The following HDAC9 variants were observed in gnomAD, a reference collection of about 807,000 sequenced individuals.
HDAC9 encodes histone deacetylase 9, also known as MEF-2 interacting transcription repressor (MITR) protein.
Under a neutral mutation model 139.4 loss-of-function variants are expected in HDAC9, and 41 were observed. The ratio of observed to expected loss-of-function variants is 0.29; its 90% CI spans 0.23 to 0.38. HDAC9 has a LOEUF of 0.38. Among genes scored for constraint, HDAC9 ranks in the 10% least tolerant of loss-of-function variants. The probability of loss-of-function intolerance (pLI) is 1.00; values close to 1 mark genes in which losing one functional copy is unlikely to be tolerated. For synonymous variants in HDAC9, 517 were observed against 476.2 expected (o/e 1.09, Z -1.12); for missense variants, 1,147 against 1,297.0 (o/e 0.88, Z 1.78).
intron 11 of HDAC9, among the ~76,000 whole-genome samples, chr7:18,661,204 G>A (rs1294296847): frequency 6.6e-6 from 1 of 152,110 alleles, no homozygotes; most frequent in Non-Finnish European, 1.5e-5. Flanking sequence ...AAATGAAAAA[G>A]ATGAGTGATA....
At position 18,779,385 on chromosome 7, in the gene HDAC9, A is replaced by AATGC. The variant is rs1321771021; in HGVS notation, c.2214+12232_2214+12235dup. On this transcript the variant is annotated intron_variant, in intron 16 of 25. Transcript: ENST00000686413. ...ACAGCCTCAGAGCTGATTGAAAAAG[A>AATGC]ATGCAATAAAGAATATCAGAGGTTC... 2.6e-5 allele frequency among the ~76,000 whole-genome samples: 4 copies of AATGC among 152,190 alleles called. No homozygotes were observed. In the East Asian group the frequency reaches 5.8e-4, roughly 22 times the overall value.
chr7:18,976,089 GC>G, intron 25 of HDAC9, 136 bp downstream of exon 25: 2 of 785,606 alleles, frequency 2.5e-6, no homozygotes, highest in Non-Finnish European at 4.1e-6. Flanking sequence ...AGCCACAGAT[GC>G]CACAGCACAT....
At chr7:18,719,597 C>T (rs549291308) in intron 12 of HDAC9, among the ~76,000 whole-genome samples, 1 of 152,220 alleles carries the variant, frequency 6.6e-6, no homozygotes, top group East Asian at 1.9e-4. Flanking sequence ...ACCTTGGTCT[C>T]CCAAAGTGCT....
chr7:18,912,704 A>C (rs1246477691), intron 22 of HDAC9, among the ~76,000 whole-genome samples: 1 of 152,158 alleles, frequency 6.6e-6, no homozygotes, highest in East Asian at 1.9e-4. Context: ...TATGGACATT[A>C]AGAAATATTG....
intron 13 of HDAC9, among the ~76,000 whole-genome samples, chr7:18,748,580 T>C (rs1346922130): frequency 6.6e-6 from 1 of 152,198 alleles, no homozygotes. Flanking sequence ...GAATGACTCA[T>C]GGAAGATTTA....
At chr7:18,649,623 CAAACA>C (rs1301663170) in intron 11 of HDAC9, among the ~76,000 whole-genome samples, 2 of 151,536 alleles carry the variant, frequency 1.3e-5, no homozygotes, top group East Asian at 3.9e-4. Flanking sequence ...ATGTAAGAAA[CAAACA>C]AAACAAAACA....
chr7:18,849,563 T>C (rs553695919), intron 21 of HDAC9, among the ~76,000 whole-genome samples: 1 of 152,322 alleles, frequency 6.6e-6, no homozygotes, highest in East Asian at 1.9e-4. Flanking sequence ...ATAAAAAAGA[T>C]GGCTTTGGTT....
intron 23 of HDAC9, among the ~76,000 whole-genome samples, chr7:18,945,734 C>G (rs538714336): frequency 6.6e-6 from 1 of 152,014 alleles, no homozygotes; most frequent in Non-Finnish European, 1.5e-5. Context: ...TCAAGTACCA[C>G]TTATAGAAAA....
intron 1 of HDAC9, among the ~76,000 whole-genome samples, chr7:18,087,663 G>A (rs1781883303): frequency 6.6e-6 from 1 of 152,182 alleles, no homozygotes; most frequent in Non-Finnish European, 1.5e-5. Context: ...TGGGTTTTAA[G>A]AAAAGTTCAG....
chr7:18,878,747 G>A (rs1243526952), intron 22 of HDAC9, among the ~76,000 whole-genome samples: 1 of 151,488 alleles, frequency 6.6e-6, no homozygotes, highest in Non-Finnish European at 1.5e-5. Flanking sequence ...TTGAAAACTG[G>A]CATAAGACAA....
At chr7:18,244,504 A>G (rs537809517) in intron 2 of HDAC9, among the ~76,000 whole-genome samples, 6 of 152,200 alleles carry the variant, frequency 3.9e-5, no homozygotes, top group Admixed American at 3.9e-4. Flanking sequence ...GGTATTGCTT[A>G]GTAAGATGTT....
At chr7:18,686,050 AGTC>A (rs1782244350) in intron 12 of HDAC9, among the ~76,000 whole-genome samples, 1 of 151,976 alleles carries the variant, frequency 6.6e-6, no homozygotes, top group Non-Finnish European at 1.5e-5. Flanking sequence ...GTAAAGCAGA[AGTC>A]ATACATCTGA....
At chr7:18,706,868 G>A (rs1357072758) in intron 12 of HDAC9, among the ~76,000 whole-genome samples, 1 of 152,208 alleles carries the variant, frequency 6.6e-6, no homozygotes, top group African/African-American at 2.4e-5. Flanking sequence ...TGTATGCCTT[G>A]ATAGAGTTAG....
chr7:18,607,848 TGACCA>T (rs1429229021), intron 6 of HDAC9, among the ~76,000 whole-genome samples: 1 of 152,166 alleles, frequency 6.6e-6, no homozygotes, highest in East Asian at 1.9e-4. Context: ...AAGAAATAAA[TGACCA>T]TGCTTTTGCA....
chr7:18,521,432 T>C (rs897943564), intron 2 of HDAC9, among the ~76,000 whole-genome samples: 3 of 152,330 alleles, frequency 2.0e-5, no homozygotes, highest in South Asian at 2.1e-4. Context: ...TTGCGATTTG[T>C]CACAATATAG....
intron 12 of HDAC9, among the ~76,000 whole-genome samples, chr7:18,685,289 A>T: frequency 6.6e-6 from 1 of 151,868 alleles, no homozygotes; most frequent in East Asian, 1.9e-4. Flanking sequence ...TCCCTTTTCC[A>T]CTTACCCATG....
intron 22 of HDAC9, among the ~76,000 whole-genome samples, chr7:18,890,258 C>T (rs916590413): frequency 2.0e-5 from 3 of 152,228 alleles, no homozygotes; most frequent in African/African-American, 7.2e-5. Context: ...CATAGCAACT[C>T]TTAATGCATG....
intron 17 of HDAC9, among the ~76,000 whole-genome samples, chr7:18,822,513 C>T (rs1312868681): frequency 6.6e-6 from 1 of 152,186 alleles, no homozygotes; most frequent in Non-Finnish European, 1.5e-5. Context: ...CGCCAGCACA[C>T]CTGGCTCATT....
intron 2 of HDAC9, among the ~76,000 whole-genome samples, chr7:18,177,635 A>C (rs1327094175): frequency 6.6e-6 from 1 of 152,116 alleles, no homozygotes; most frequent in Non-Finnish European, 1.5e-5. Flanking sequence ...GGTGACGCTG[A>C]CATTTGTTAC....
Sources: allele counts gnomAD v4.1 joint callset (sites outside exome capture counted in the v4.1 genomes callset), GRCh38; gene constraint gnomAD v4.1.1; transcripts MANE v1.5; gene names NCBI Gene and HGNC (gene_info 2026-07-23, HGNC 2026-07-21).